Variants in LRRIQ1 observed in about 807,000 individuals in gnomAD.
The protein encoded by LRRIQ1 is leucine rich repeats and IQ motif containing 1, also known as leucine-rich repeat- and IQ domain-containing protein 1.
Under a neutral mutation model 211.9 loss-of-function variants are expected in LRRIQ1, and 210 were observed. The observed-to-expected ratio is 0.99, with a 90% CI of 0.89 to 1.11. LRRIQ1 has a LOEUF of 1.11. LRRIQ1 is among the 50% of genes most tolerant of loss of function. LRRIQ1 has a pLI of 0.00. For missense variants in LRRIQ1, 2,136 were observed against 1,939.5 expected, an observed-to-expected ratio of 1.10 and a Z score of -1.90; for synonymous variants, 699 against 650.1, an observed-to-expected ratio of 1.08 and a Z score of -1.14.
chr12:85,157,550 T>C (rs1890621626), intron 23 of LRRIQ1, among the ~76,000 whole-genome samples: 1 of 151,960 alleles, frequency 6.6e-6, no homozygotes, highest in South Asian at 2.1e-4. Flanking sequence ...GTGATCTGTG[T>C]TGAAATTTAG....
intron 24 of LRRIQ1, among the ~76,000 whole-genome samples, chr12:85,210,452 C>T (rs1893786031): frequency 6.6e-6 from 1 of 152,004 alleles, no homozygotes; most frequent in Non-Finnish European, 1.5e-5. Context: ...CTTGTTTTTC[C>T]ATTTTTGTTT....
intron 1 of LRRIQ1, among the ~76,000 whole-genome samples, chr12:85,037,664 A>C (rs886492954): frequency 1.3e-5 from 2 of 152,046 alleles, no homozygotes; most frequent in Non-Finnish European, 2.9e-5. Context: ...ACAAGAAGAC[A>C]GGTGGAAAGG....
chr12:85,146,407 A>G (rs2136625898), intron 19 of LRRIQ1, among the ~76,000 whole-genome samples: 1 of 151,912 alleles, frequency 6.6e-6, no homozygotes, highest in East Asian at 2.0e-4. Context: ...ATTTCTTAGT[A>G]AACTTAAGAT....
chr12:85,266,222 G>A (rs546353990), downstream of LRRIQ1, among the ~76,000 whole-genome samples: 18 of 152,056 alleles, frequency 1.2e-4, no homozygotes, highest in Non-Finnish European at 2.2e-4. Context: ...TACATAGATA[G>A]AGTTATTAAT....
chr12:85,129,412 C>G (rs1443743618), intron 18 of LRRIQ1, among the ~76,000 whole-genome samples: 1 of 152,098 alleles, frequency 6.6e-6, no homozygotes, highest in Non-Finnish European at 1.5e-5. Flanking sequence ...GCAAATATTT[C>G]TTGCTACAAA....
chr12:85,184,928 C>A (rs1892159433), intron 24 of LRRIQ1, among the ~76,000 whole-genome samples: 1 of 151,624 alleles, frequency 6.6e-6, no homozygotes, highest in Non-Finnish European at 1.5e-5. Flanking sequence ...TAAGAAAAGC[C>A]TCTGAAATTG....
Position 85,098,969 on chromosome 12 carries a change from C to A in LRRIQ1, c.3184C>A (p.Gln1062Lys). The A allele has an allele frequency of 6.4e-7, 1 of 1,565,240 alleles. No homozygotes were observed. Among genetic ancestry groups the A allele is most frequent in the Non-Finnish European group, 8.7e-7 (1 of 1,150,984 alleles). ...TTCTTCATACTGGCTGCCTTTACTA[C>A]AAAATATTACTATCTCTCAAAACAG... Reference protein sequence around the residue: ...AFSSYWLPLLQNITISQNSLT... With the variant: ...AFSSYWLPLLKNITISQNSLT... The change falls in exon 13 of 27, where the codon CAA becomes AAA. Residue 1062 changes from glutamine to lysine, a missense_variant. Coordinates refer to ENST00000393217, the MANE Select transcript of LRRIQ1 (RefSeq NM_001079910.2).
At chr12:85,226,800 T>C (rs1331901955) in intron 24 of LRRIQ1, among the ~76,000 whole-genome samples, 1 of 151,460 alleles carries the variant, frequency 6.6e-6, no homozygotes, top group Non-Finnish European at 1.5e-5. Context: ...GTCCTTGTGA[T>C]AGTTTGCTCA....
At chr12:85,050,934 G>A (rs934717505) in intron 6 of LRRIQ1, among the ~76,000 whole-genome samples, 1 of 152,136 alleles carries the variant, frequency 6.6e-6, no homozygotes, top group African/African-American at 2.4e-5. Flanking sequence ...CCTATCTACA[G>A]AAGGTCCTAC....
At chr12:85,051,889 A>G (rs1880369211) in intron 6 of LRRIQ1, among the ~76,000 whole-genome samples, 1 of 152,174 alleles carries the variant, frequency 6.6e-6, no homozygotes, top group South Asian at 2.1e-4. Flanking sequence ...ACAATGCCTA[A>G]CAGTGTTTCG....
intron 1 of LRRIQ1, among the ~76,000 whole-genome samples, chr12:85,253,200 ATT>A: frequency 6.6e-6 from 1 of 151,984 alleles, no homozygotes; most frequent in Non-Finnish European, 1.5e-5. Context: ...TTCTCTTTCC[ATT>A]CCTACAGCAA....
chr12:85,092,494 C>G (rs1885495552), intron 11 of LRRIQ1, among the ~76,000 whole-genome samples: 1 of 152,150 alleles, frequency 6.6e-6, no homozygotes, highest in Non-Finnish European at 1.5e-5. Flanking sequence ...CCGTGAAAGA[C>G]TCTTCAAATG....
intron 24 of LRRIQ1, among the ~76,000 whole-genome samples, chr12:85,198,025 A>C: frequency 1.4e-5 from 1 of 71,260 alleles, no homozygotes; most frequent in South Asian, 2.8e-4. Flanking sequence ...TTATATTATT[A>C]TATATAACAT....
chr12:85,077,540 G>A (rs1883795501), intron 11 of LRRIQ1, among the ~76,000 whole-genome samples: 1 of 152,084 alleles, frequency 6.6e-6, no homozygotes, highest in Non-Finnish European at 1.5e-5. Flanking sequence ...TATTTTATCT[G>A]GGAAAGAATA....
At chr12:85,220,086 C>T (rs1021850789) in intron 24 of LRRIQ1, among the ~76,000 whole-genome samples, 4 of 151,800 alleles carry the variant, frequency 2.6e-5, no homozygotes, top group Non-Finnish European at 5.9e-5. Context: ...TTAGTATTGC[C>T]GACATAAGAT....
intron 11 of LRRIQ1, among the ~76,000 whole-genome samples, chr12:85,079,938 CTTTAT>C (rs1183694669): frequency 6.6e-6 from 1 of 151,902 alleles, no homozygotes; most frequent in Admixed American, 6.6e-5. Flanking sequence ...TTCCATTGCT[CTTTAT>C]TTTGTCTTTC....
intron 15 of LRRIQ1, among the ~76,000 whole-genome samples, chr12:85,117,462 GA>G (rs1887664977): frequency 6.6e-6 from 1 of 152,080 alleles, no homozygotes; most frequent in Non-Finnish European, 1.5e-5. Flanking sequence ...ACTTAAAAAA[GA>G]AAATCTGCTT....
intron 23 of LRRIQ1, 103 bp downstream of exon 23, chr12:85,154,197 A>G (rs895559937): frequency 7.2e-6 from 4 of 552,358 alleles, no homozygotes; most frequent in East Asian, 3.6e-5. Flanking sequence ...ACAGTAATCA[A>G]TTCACAGATG....
chr12:85,249,891 G>A (rs1232188732), downstream of LRRIQ1, among the ~76,000 whole-genome samples: 4 of 151,778 alleles, frequency 2.6e-5, no homozygotes, highest in African/African-American at 4.8e-5. Context: ...AATTTTCAAG[G>A]GCTTGGCTTA....
Sources: gnomAD v4.1 joint callset for allele counts (sites outside exome capture counted in the v4.1 genomes callset) on GRCh38, gnomAD v4.1.1 for gene constraint, MANE v1.5 for transcripts, NCBI Gene and HGNC (gene_info 2026-07-23, HGNC 2026-07-21) for gene names.